ASPRV1: variants seen among roughly 807,000 people sequenced by gnomAD.
ASPRV1 encodes retroviral-like aspartic protease 1.
A neutral mutation model predicts 11.0 loss-of-function variants in ASPRV1; 7 were observed. That is an observed-to-expected ratio of 0.64 (90% CI 0.36 to 1.20). ASPRV1 has a LOEUF of 1.20. ASPRV1 is among the 50% of genes most tolerant of loss of function. The probability of loss-of-function intolerance (pLI) is 0.02; values close to 1 mark genes in which losing one functional copy is unlikely to be tolerated. For synonymous variants in ASPRV1, 136 were observed against 138.4 expected (o/e 0.98, Z 0.12); for missense variants, 299 against 320.0 (o/e 0.93, Z 0.50).
Position 69,960,561 on chromosome 2 carries a change from T to C in ASPRV1, c.*96A>G, listed in dbSNP as rs1678049449. ...GAAGAGCAAGAGTTGATAAGCAGAC[T>C]GGCCAAGCCCAGTGACCCCCATGAG... On this transcript the variant is annotated 3_prime_UTR_variant, in exon 1 of 1. Coordinates refer to ENST00000320256, the MANE Select transcript of ASPRV1 (RefSeq NM_152792.4). 3 of 1,315,140 alleles carry C rather than the reference T, an allele frequency of 2.3e-6. No individual in the cohort carries two copies. Among genetic ancestry groups the C allele is most frequent in the Non-Finnish European group, 3.1e-6 (3 of 960,446 alleles). The allele number at this position is 1,315,140 out of a possible 1,614,324, so 81.5% of individuals were successfully genotyped here.
At chr2:69,952,640 T>C in the ASPRV1 span, among the ~76,000 whole-genome samples, 9 of 151,570 alleles carry the variant, frequency 5.9e-5, no homozygotes, top group East Asian at 5.8e-4. Context: ...AGAAAAGAGA[T>C]TGCCACATAA....
At chr2:70,015,468 A>AT in the ASPRV1 span, 1 of 152,202 alleles carries the variant, frequency 6.6e-6, no homozygotes, top group Non-Finnish European at 1.5e-5. Flanking sequence ...ACCCATGTAC[A>AT]TGGAGGGCCA....
the ASPRV1 span, among the ~76,000 whole-genome samples, chr2:69,981,237 T>C: frequency 6.6e-6 from 1 of 152,244 alleles, no homozygotes; most frequent in African/African-American, 2.4e-5. Context: ...GTATGAAAAT[T>C]ATCTATATGT....
the ASPRV1 span, among the ~76,000 whole-genome samples, chr2:69,945,513 T>C: frequency 6.6e-6 from 1 of 152,182 alleles, no homozygotes; most frequent in Non-Finnish European, 1.5e-5. Flanking sequence ...ATGAGGTAGA[T>C]GTGGCTGCTG....
At position 69,960,993 on chromosome 2, in the gene ASPRV1, A is replaced by G; in HGVS notation, c.444T>C (p.Asp148=). The change falls in exon 1 of 1, where the codon GAT becomes GAC. Residue 148 remains aspartate (D), a synonymous_variant. Coordinates refer to ENST00000320256, the MANE Select transcript of ASPRV1 (RefSeq NM_152792.4). ...TCTCAAAGGGCTGCAGGGTGTCCAG[A>G]TCGCCATCAGTGACCTCCTCCCACA... is the stretch of plus-strand genomic sequence containing the variant. ...PNLWEEVTDG[D]LDTLQPFENV... 2 of 1,614,008 alleles carry G rather than the reference A, an allele frequency of 1.2e-6. No individual in the cohort carries two copies. Among genetic ancestry groups the G allele is most frequent in the Non-Finnish European group, 1.7e-6 (2 of 1,179,966 alleles).
the ASPRV1 span, among the ~76,000 whole-genome samples, chr2:70,063,576 C>T: frequency 1.3e-5 from 2 of 152,226 alleles, no homozygotes; most frequent in Non-Finnish European, 2.9e-5. Context: ...TCTGTACATG[C>T]AACTTGTTTC....
chr2:69,990,847 G>T, the ASPRV1 span, among the ~76,000 whole-genome samples: 11 of 152,046 alleles, frequency 7.2e-5, no homozygotes, highest in Non-Finnish European at 1.6e-4. Context: ...TCTTGGGAAG[G>T]GACATTAGGC....
the ASPRV1 span, among the ~76,000 whole-genome samples, chr2:70,077,028 C>G: frequency 6.4e-4 from 97 of 152,266 alleles, no homozygotes; most frequent in African/African-American, 2.1e-3. Flanking sequence ...CAGTCAGTTA[C>G]CGGCAAAACT....
At chr2:70,035,429 G>A in the ASPRV1 span, among the ~76,000 whole-genome samples, 24 of 151,912 alleles carry the variant, frequency 1.6e-4, no homozygotes, top group Non-Finnish European at 2.9e-4. Context: ...CAAAACTACA[G>A]TGTGAGGCTG....
chr2:70,032,459 T>A, the ASPRV1 span, among the ~76,000 whole-genome samples: 3 of 149,596 alleles, frequency 2.0e-5, no homozygotes, highest in East Asian at 5.9e-4. Context: ...AAGTTCGAGA[T>A]CAGCCTAAGC....
chr2:70,039,822 G>A, the ASPRV1 span, among the ~76,000 whole-genome samples: 1 of 152,152 alleles, frequency 6.6e-6, no homozygotes, highest in African/African-American at 2.4e-5. Context: ...TCTTGAATAA[G>A]AAAAGAAAGA....
chr2:70,065,520 G>C, the ASPRV1 span, among the ~76,000 whole-genome samples: 23,108 of 151,800 alleles, frequency 0.15, 2,727 homozygotes, highest in East Asian at 0.3. Context: ...TTAAAATCAG[G>C]TGATGTTAAT....
the ASPRV1 span, chr2:69,940,620 A>G: frequency 2.0e-5 from 3 of 152,652 alleles, no homozygotes; most frequent in Non-Finnish European, 4.4e-5. Flanking sequence ...TACTGTCCCA[A>G]TATAAAACAG....
the ASPRV1 span, among the ~76,000 whole-genome samples, chr2:70,024,302 G>A: frequency 3.3e-5 from 5 of 152,162 alleles, no homozygotes; most frequent in Non-Finnish European, 5.9e-5. Flanking sequence ...GATATACTAG[G>A]ATCTCCTCAT....
chr2:70,081,808 C>T, the ASPRV1 span, among the ~76,000 whole-genome samples: 382 of 152,128 alleles, frequency 2.5e-3, 2 homozygotes, highest in African/African-American at 8.8e-3. Flanking sequence ...AGGTCTCCAA[C>T]ACCTGGACTC....
At chr2:69,984,575 C>T in the ASPRV1 span, among the ~76,000 whole-genome samples, 2 of 142,250 alleles carry the variant, frequency 1.4e-5, no homozygotes, top group Non-Finnish European at 3.0e-5. Flanking sequence ...TATAGATCCA[C>T]ACTTAAAAGA....
chr2:70,011,990 AG>A, the ASPRV1 span: 1 of 152,448 alleles, frequency 6.6e-6, no homozygotes, highest in Admixed American at 6.5e-5. Context: ...GAGCCTGCCC[AG>A]GCCTCCCTTT....
the ASPRV1 span, among the ~76,000 whole-genome samples, chr2:69,987,973 C>T: frequency 6.6e-6 from 1 of 152,162 alleles, no homozygotes; most frequent in Admixed American, 6.5e-5. Context: ...CCCTAGTCTC[C>T]GGGGGTGCAC....
the ASPRV1 span, among the ~76,000 whole-genome samples, chr2:69,994,748 A>G: frequency 6.6e-6 from 1 of 152,174 alleles, no homozygotes; most frequent in Admixed American, 6.5e-5. Flanking sequence ...CTGTAATCCC[A>G]GCACTTTGGG....
Sources: allele counts gnomAD v4.1 joint callset (sites outside exome capture counted in the v4.1 genomes callset), GRCh38; gene constraint gnomAD v4.1.1; transcripts MANE v1.5; gene names NCBI Gene and HGNC (gene_info 2026-07-23, HGNC 2026-07-21).